The following DDX6 variants were observed in gnomAD, a reference collection of about 807,000 sequenced individuals.
DDX6 encodes DEAD-box helicase 6, also known as probable ATP-dependent RNA helicase DDX6.
Under a neutral mutation model 60.6 loss-of-function variants are expected in DDX6, and 7 were observed. The ratio of observed to expected loss-of-function variants is 0.12; its 90% CI spans 0.07 to 0.22. The LOEUF (loss-of-function observed/expected upper bound fraction) is 0.22, where lower values mean the gene tolerates loss of function less well. DDX6 is among the 10% of genes least tolerant of loss of function. DDX6 has a pLI of 1.00. For synonymous variants in DDX6, 207 were observed against 201.0 expected, an observed-to-expected ratio of 1.03 and a Z score of -0.25; for missense variants, 270 against 589.9, an observed-to-expected ratio of 0.46 and a Z score of 5.62.
intron 4 of DDX6, among the ~76,000 whole-genome samples, chr11:118,771,961 C>G (rs1555162661): frequency 6.6e-6 from 1 of 152,184 alleles, no homozygotes; most frequent in African/African-American, 2.4e-5. Flanking sequence ...CATCTCCACA[C>G]AAAAACCTGC....
intron 7 of DDX6, among the ~76,000 whole-genome samples, chr11:118,762,576 C>T (rs1187860728): frequency 6.6e-6 from 1 of 152,116 alleles, no homozygotes; most frequent in Admixed American, 6.6e-5. Context: ...TGACTGGGAG[C>T]TGCAGTTTGC....
In DDX6 at chr11:118,763,235, C is replaced by T; in HGVS notation, c.718G>A (p.Val240Ile). 6.2e-7 allele frequency: 1 copy of T among 1,609,056 alleles called. No homozygotes were observed. The highest frequency in any genetic ancestry group is 1.1e-5 in the South Asian group (1 of 90,524). Residue 240 changes from valine (V) to isoleucine (I), a missense_variant, in exon 7 of 14, where the codon GTC becomes ATC. By Grantham distance (29) the Val-to-Ile change is conservative. Transcript: ENST00000534980. ...ACCTCATCCAATACTATCATCTGGACATGATCAACCTTTGCTACTCCTTTC... is the reference window on the plus strand; with the variant it reads ...ACCTCATCCAATACTATCATCTGGATATGATCAACCTTTGCTACTCCTTTC... ...IKKGVAKVDH[V>I]QMIVLDEADK... is the part of the protein sequence containing the mutation.
chr11:118,757,399 T>G (rs782625785), intron 9 of DDX6, 112 bp from the exon 10 acceptor site: 2 of 537,608 alleles, frequency 3.7e-6, no homozygotes, highest in African/African-American at 2.0e-5. Flanking sequence ...GTCTAAAACT[T>G]AGAATCTCAT....
intron 7 of DDX6, among the ~76,000 whole-genome samples, chr11:118,761,125 A>T (rs1861151246): frequency 6.6e-6 from 1 of 151,686 alleles, no homozygotes; most frequent in South Asian, 2.1e-4. Flanking sequence ...TGGGCAACAG[A>T]GCAAGACTCT....
chr11:118,761,571 C>G (rs576491009), intron 7 of DDX6, among the ~76,000 whole-genome samples: 3 of 151,886 alleles, frequency 2.0e-5, no homozygotes, highest in Non-Finnish European at 4.4e-5. Context: ...GAGCTGAGAT[C>G]GCACCACTGC....
chr11:118,755,536 A>G (rs1555158569), intron 11 of DDX6, 33 bp from the exon 12 acceptor site: 1 of 1,233,668 alleles, frequency 8.1e-7, no homozygotes, highest in Non-Finnish European at 1.2e-6. Context: ...TCATTTTTTC[A>G]ATTTAGAAAT....
chr11:118,781,256 T>A lies in DDX6; in HGVS notation c.201-72A>T. 5.3e-6 allele frequency: 5 copies of A among 938,168 alleles called. 1 individual carries two copies. The Middle Eastern group carries it at 6.5e-4, about 122-fold the overall frequency. 58.1% of individuals were successfully genotyped at this position (938,168 alleles called of 1,614,324 possible). On this transcript the variant is annotated intron_variant, in intron 2 of 13. Coordinates refer to ENST00000534980, the MANE Select transcript of DDX6 (RefSeq NM_004397.6). ...TAACAAAGATGATTCATCTCAATTA[T>A]AATTAAGTGTTAAAAAAGCACAGTA...
rs946443144 is a variant in DDX6, at chr11:118,748,613, G to C, written c.*3492C>G. 6.6e-6 allele frequency: 1 copy of C among 151,722 alleles called. No homozygotes were observed. Among genetic ancestry groups the C allele is most frequent in the Non-Finnish European group, 1.5e-5 (1 of 67,928 alleles). The allele number at this position is 151,722 out of a possible 1,614,324, so 9.4% of individuals were successfully genotyped here. A position where few individuals can be genotyped will look rare whatever the true frequency, so the allele number is the denominator to read the frequency against. On this transcript the variant is annotated 3_prime_UTR_variant, in exon 14 of 14. Coordinates refer to ENST00000534980, the MANE Select transcript of DDX6 (RefSeq NM_004397.6). ...TTCCAAGAACTTATTTCATTTTTTT[G>C]TTACTCATCTAGAAGGTCAGGAGTG...
chr11:118,782,645 C>CTTTT (rs35854068), intron 2 of DDX6, among the ~76,000 whole-genome samples: 1 of 143,690 alleles, frequency 7.0e-6, no homozygotes. Flanking sequence ...GTACTAAAGC[C>CTTTT]TTTTTTTTTT....
chr11:118,782,339 CAAG>C (rs1467275322), intron 2 of DDX6, among the ~76,000 whole-genome samples: 5 of 150,678 alleles, frequency 3.3e-5, no homozygotes, highest in Admixed American at 2.0e-4. Context: ...AGAATAAAAA[CAAG>C]GAGAATATAA....
chr11:118,770,387 G>C (rs1861497321), intron 4 of DDX6, among the ~76,000 whole-genome samples: 1 of 152,098 alleles, frequency 6.6e-6, no homozygotes, highest in Non-Finnish European at 1.5e-5. Context: ...ACTGACATTT[G>C]TCCCTTCTAT....
intron 4 of DDX6, among the ~76,000 whole-genome samples, chr11:118,774,089 A>G (rs1317333337): frequency 1.3e-5 from 2 of 152,160 alleles, no homozygotes; most frequent in Non-Finnish European, 2.9e-5. Flanking sequence ...GTTTCCCTCA[A>G]TAATCAACTA....
intron 4 of DDX6, among the ~76,000 whole-genome samples, chr11:118,771,616 G>C (rs1296278374): frequency 5.3e-5 from 8 of 152,210 alleles, no homozygotes; most frequent in Non-Finnish European, 1.0e-4. Flanking sequence ...CTGCCAGGGA[G>C]AAGGCAAAGG....
Position 118,751,817 on chromosome 11 carries a change from CT to C in DDX6, c.*287del. On this transcript the variant is annotated 3_prime_UTR_variant, in exon 14 of 14. Coordinates refer to ENST00000534980, the MANE Select transcript of DDX6 (RefSeq NM_004397.6). ...TAGGGTTTCTCCCCTTCTCTTCTTTCTTTTCCTTCCTTGTCCCCTTTCCCCA... is the reference window on the plus strand; with the variant it reads ...TAGGGTTTCTCCCCTTCTCTTCTTTCTTTCCTTCCTTGTCCCCTTTCCCCA... The C allele has an allele frequency of 2.5e-6, 1 of 393,068 alleles. No homozygotes were observed. The highest frequency in any genetic ancestry group is 1.9e-5 in the South Asian group (1 of 52,712). 24.3% of individuals were successfully genotyped at this position (393,068 alleles called of 1,614,324 possible).
At chr11:118,768,456 G>T in intron 4 of DDX6, 104 bp from the exon 5 acceptor site, 4 of 1,217,996 alleles carry the variant, frequency 3.3e-6, no homozygotes, top group Non-Finnish European at 4.6e-6. Context: ...TGCTTTAAGT[G>T]TCCTAAGTAT....
rs577225739 is a variant in DDX6 at position 118,762,168 on chromosome 11, C to G, written c.741+1044G>C. Among the ~76,000 whole-genome samples the G allele has an allele frequency of 7.9e-5, 12 of 151,312 alleles. No individual in the cohort carries two copies. In the East Asian group the frequency reaches 2.3e-3, roughly 29 times the overall value. ...GTACATAATTGTAATCTCAGCTACT[C>G]AGAAGGCTGAGGCATAAGAATCACT... On this transcript the variant is annotated intron_variant, in intron 7 of 13. Transcript: ENST00000534980.
intron 7 of DDX6, among the ~76,000 whole-genome samples, chr11:118,761,295 T>G (rs1861157078): frequency 6.6e-6 from 1 of 152,144 alleles, no homozygotes; most frequent in Admixed American, 6.5e-5. Flanking sequence ...TTACATAATG[T>G]AGTAACTACT....
At chr11:118,752,931 T>TA (rs571662633) in intron 13 of DDX6, among the ~76,000 whole-genome samples, 114 of 151,692 alleles carry the variant, frequency 7.5e-4, no homozygotes, top group South Asian at 2.9e-3. Flanking sequence ...TTAATAAAAA[T>TA]AAAAAAAAGA....
Position 118,763,321 on chromosome 11 carries a change from G to A in DDX6, c.647-15C>T, listed in dbSNP as rs1861237727. 1.3e-6 allele frequency: 2 copies of A among 1,570,882 alleles called. No individual in the cohort carries two copies. Among genetic ancestry groups the A allele is most frequent in the South Asian group, 1.1e-5 (1 of 90,294 alleles). ...CACCACGTGCACTATGCAAGATTTAGAAAACATACATTCTCATTAATTTTA... is the reference window on the plus strand; with the variant it reads ...CACCACGTGCACTATGCAAGATTTAAAAAACATACATTCTCATTAATTTTA... On this transcript the variant is annotated splice_polypyrimidine_tract_variant and intron_variant, in intron 6 of 13. Transcript: ENST00000534980.
Sources: gnomAD v4.1 joint callset for allele counts (sites outside exome capture counted in the v4.1 genomes callset) on GRCh38, gnomAD v4.1.1 for gene constraint, MANE v1.5 for transcripts, NCBI Gene and HGNC (gene_info 2026-07-23, HGNC 2026-07-21) for gene names.